The following COL24A1 variants were observed in gnomAD, a reference collection of about 807,000 sequenced individuals.
COL24A1 encodes collagen type XXIV alpha 1 chain.
In COL24A1, 224 loss-of-function variants were observed where a neutral mutation model predicts 253.9. The observed-to-expected ratio is 0.88, with a 90% CI of 0.79 to 0.99. The LOEUF (loss-of-function observed/expected upper bound fraction) is 0.99, where lower values mean the gene tolerates loss of function less well. Among genes scored for constraint, COL24A1 ranks in the 50% least tolerant of loss-of-function variants. COL24A1 has a pLI of 0.00. For synonymous variants in COL24A1, 685 were observed against 673.7 expected (o/e 1.02, Z -0.26); for missense variants, 2,131 against 2,068.5 (o/e 1.03, Z -0.59).
chr1:86,132,055 T>C (rs1649315952), intron 2 of COL24A1, among the ~76,000 whole-genome samples: 1 of 152,238 alleles, frequency 6.6e-6, no homozygotes, highest in Non-Finnish European at 1.5e-5. Flanking sequence ...ATGATCACCA[T>C]TCTAACTGGT....
chr1:85,893,451 C>T (rs917938297), intron 31 of COL24A1, among the ~76,000 whole-genome samples: 1 of 152,090 alleles, frequency 6.6e-6, no homozygotes, highest in Non-Finnish European at 1.5e-5. Flanking sequence ...TTACACCCAT[C>T]TCACAAACTG....
intron 37 of COL24A1, among the ~76,000 whole-genome samples, chr1:85,851,668 G>C (rs890912973): frequency 6.6e-6 from 1 of 152,064 alleles, no homozygotes; most frequent in Non-Finnish European, 1.5e-5. Context: ...TTATGTTATT[G>C]GTTATTATGG....
At chr1:86,063,929 G>T (rs1557459273) in intron 7 of COL24A1, among the ~76,000 whole-genome samples, 170 bp from the exon 8 acceptor site, 1 of 151,302 alleles carries the variant, frequency 6.6e-6, no homozygotes, top group African/African-American at 2.4e-5. Flanking sequence ...TATTTAATAA[G>T]AATTACTTTT....
intron 19 of COL24A1, among the ~76,000 whole-genome samples, chr1:86,011,341 G>A (rs551670): frequency 6.6e-5 from 10 of 151,968 alleles, no homozygotes; most frequent in East Asian, 5.8e-4. Flanking sequence ...CTAATTACTC[G>A]GTGGAAATAA....
At chr1:86,149,161 C>T (rs1394865770) in intron 1 of COL24A1, among the ~76,000 whole-genome samples, 2 of 152,220 alleles carry the variant, frequency 1.3e-5, no homozygotes, top group South Asian at 2.1e-4. Context: ...TCCCAAAGTG[C>T]TGGGATTACA....
At chr1:86,033,661 A>G (rs1571681362) in intron 13 of COL24A1, among the ~76,000 whole-genome samples, 1 of 92,704 alleles carries the variant, frequency 1.1e-5, no homozygotes, top group South Asian at 3.8e-4. Flanking sequence ...AAAATAATTA[A>G]TTTAAAGATT....
At chr1:85,878,607 G>A (rs1350076456) in intron 32 of COL24A1, among the ~76,000 whole-genome samples, 1 of 152,194 alleles carries the variant, frequency 6.6e-6, no homozygotes. Context: ...TAAGGATTGT[G>A]ATCACTGGAT....
At chr1:85,784,472 T>C in intron 48 of COL24A1, 106 bp from the exon 49 acceptor site, 2 of 727,154 alleles carry the variant, frequency 2.8e-6, no homozygotes, top group Non-Finnish European at 2.3e-6. Context: ...ATTCCATAAA[T>C]ACAAGGCACT....
At chr1:85,778,164 C>A (rs1302390372) in intron 52 of COL24A1, among the ~76,000 whole-genome samples, 2 of 151,914 alleles carry the variant, frequency 1.3e-5, no homozygotes, top group Non-Finnish European at 2.9e-5. Context: ...AGTGCAGTGG[C>A]ATGATCATGG....
intron 2 of COL24A1, among the ~76,000 whole-genome samples, chr1:86,140,842 T>C (rs1180628529): frequency 6.6e-6 from 1 of 152,190 alleles, no homozygotes; most frequent in East Asian, 1.9e-4. Flanking sequence ...ACATAATTAA[T>C]TTTTCTGGAG....
At chr1:85,947,143 C>G (rs1689402754) in intron 24 of COL24A1, among the ~76,000 whole-genome samples, 1 of 152,136 alleles carries the variant, frequency 6.6e-6, no homozygotes, top group African/African-American at 2.4e-5. Flanking sequence ...CATCCTTGTC[C>G]CCATTCCCCT....
intron 37 of COL24A1, among the ~76,000 whole-genome samples, chr1:85,862,785 T>C (rs1679302691): frequency 6.6e-6 from 1 of 152,234 alleles, no homozygotes; most frequent in African/African-American, 2.4e-5. Flanking sequence ...CACTTAATGC[T>C]GACCCTAAAT....
chr1:85,959,326 A>G lies in COL24A1; in HGVS notation c.2562+1923T>C, dbSNP rs77879587. 4.9e-3 allele frequency among the ~76,000 whole-genome samples: 739 copies of G among 152,250 alleles called. 8 individuals are homozygous for G. Among genetic ancestry groups the G allele is most frequent in the African/African-American group, 0.017 (719 of 41,576 alleles). On this transcript the variant is annotated intron_variant, in intron 24 of 59. Transcript: ENST00000370571. Reference sequence around the variant, plus strand: ...TCATGTGCCATCCTTAACAAGAAAGATAGAATCTCAAAGTTGGAAAGGTCT... The same window carrying G: ...TCATGTGCCATCCTTAACAAGAAAGGTAGAATCTCAAAGTTGGAAAGGTCT...
intron 18 of COL24A1, among the ~76,000 whole-genome samples, chr1:86,020,430 G>A (rs961556944): frequency 6.6e-6 from 1 of 152,110 alleles, no homozygotes; most frequent in Non-Finnish European, 1.5e-5. Context: ...GTGATAGCCA[G>A]TAGGTTAAGT....
At chr1:85,990,712 G>A (rs1010876276) in intron 19 of COL24A1, among the ~76,000 whole-genome samples, 6 of 152,158 alleles carry the variant, frequency 3.9e-5, no homozygotes, top group Admixed American at 1.3e-4. Context: ...GGATCCCCTC[G>A]GCCAGATATG....
intron 33 of COL24A1, 75 bp downstream of exon 33, chr1:85,877,047 T>TA: frequency 9.8e-7 from 1 of 1,015,614 alleles, no homozygotes; most frequent in African/African-American, 1.6e-5. Flanking sequence ...AGTATATATT[T>TA]AATTATTAAT....
At chr1:86,048,494 ATT>A (rs565845403) in intron 11 of COL24A1, among the ~76,000 whole-genome samples, 2 of 144,472 alleles carry the variant, frequency 1.4e-5, no homozygotes, top group Non-Finnish European at 1.5e-5. Flanking sequence ...ACAGGTCTTG[ATT>A]TTTTTTTTTT....
At chr1:85,965,192 T>C (rs1271149559) in intron 22 of COL24A1, 130 bp from the exon 23 acceptor site, 3 of 675,254 alleles carry the variant, frequency 4.4e-6, no homozygotes, top group African/African-American at 1.8e-5. Context: ...TTGATAAATG[T>C]ATTTCATCAT....
intron 19 of COL24A1, among the ~76,000 whole-genome samples, chr1:85,989,479 G>A (rs966818658): frequency 3.3e-5 from 5 of 151,840 alleles, no homozygotes; most frequent in African/African-American, 9.7e-5. Flanking sequence ...CACAACCCTA[G>A]GGCAAGTCAC....
Sources: gnomAD v4.1 joint callset for allele counts (sites outside exome capture counted in the v4.1 genomes callset) on GRCh38, gnomAD v4.1.1 for gene constraint, MANE v1.5 for transcripts, NCBI Gene and HGNC (gene_info 2026-07-23, HGNC 2026-07-21) for gene names.